Variants in RPTOR observed in about 807,000 individuals in gnomAD.
RPTOR encodes the protein regulatory-associated protein of mTOR.
RPTOR carries 21 observed loss-of-function variants against 169.9 expected under a neutral mutation model. The ratio of observed to expected loss-of-function variants is 0.12; its 90% CI spans 0.09 to 0.18. The LOEUF (loss-of-function observed/expected upper bound fraction) is 0.18, where lower values mean the gene tolerates loss of function less well. Ranked by LOEUF, RPTOR falls within the 10% of genes least tolerant of loss-of-function variation. The pLI is 1.00. For synonymous variants in RPTOR, 732 were observed against 753.2 expected, an observed-to-expected ratio of 0.97 and a Z score of 0.46; for missense variants, 1,133 against 1,855.9, an observed-to-expected ratio of 0.61 and a Z score of 7.16.
chr17:80,663,438 T>C (rs1005883046), intron 3 of RPTOR, among the ~76,000 whole-genome samples: 13 of 151,282 alleles, frequency 8.6e-5, no homozygotes, highest in African/African-American at 3.2e-4. Context: ...CAGAGGAATC[T>C]TTATTTACAG....
At chr17:80,964,176 A>G in intron 33 of RPTOR, 86 bp from the exon 34 acceptor site, 1 of 1,121,226 alleles carries the variant, frequency 8.9e-7, no homozygotes, top group South Asian at 1.2e-5. Context: ...GAGCTGCCTA[A>G]GGATGCGGGT....
At chr17:80,593,168 G>T (rs1175555507) in intron 1 of RPTOR, 1 of 152,824 alleles carries the variant, frequency 6.5e-6, no homozygotes, top group Non-Finnish European at 1.5e-5. Context: ...AAGTGAGCTT[G>T]TCACTTCAAG....
intron 6 of RPTOR, among the ~76,000 whole-genome samples, chr17:80,779,534 T>G (rs576948124): frequency 6.6e-6 from 1 of 152,296 alleles, no homozygotes; most frequent in South Asian, 2.1e-4. Flanking sequence ...GGTCGGAGTT[T>G]TCCTGTGTGA....
intron 3 of RPTOR, among the ~76,000 whole-genome samples, chr17:80,672,150 C>T (rs558707400): frequency 6.6e-6 from 1 of 152,284 alleles, no homozygotes; most frequent in African/African-American, 2.4e-5. Context: ...GATACCTCCT[C>T]TGTGAAGGTC....
chr17:80,925,523 A>C (rs766332632), intron 24 of RPTOR, 43 bp downstream of exon 24: 24 of 1,456,434 alleles, frequency 1.6e-5, no homozygotes, highest in Non-Finnish European at 2.2e-5. Flanking sequence ...CCTAGCGAAC[A>C]TGTGTCTGTC....
At chr17:80,816,656 G>C (rs563567169) in intron 7 of RPTOR, among the ~76,000 whole-genome samples, 1 of 152,322 alleles carries the variant, frequency 6.6e-6, no homozygotes, top group South Asian at 2.1e-4. Flanking sequence ...TGCAGATTCA[G>C]CAAATGAAGA....
chr17:80,575,490 G>A (rs1020163917), intron 1 of RPTOR, among the ~76,000 whole-genome samples: 2 of 152,216 alleles, frequency 1.3e-5, no homozygotes, highest in African/African-American at 4.8e-5. Flanking sequence ...CGTCTGTAGG[G>A]GGAGCCATCC....
chr17:80,625,167 G>C (rs546045039), intron 1 of RPTOR, among the ~76,000 whole-genome samples: 1 of 152,294 alleles, frequency 6.6e-6, no homozygotes, highest in Admixed American at 6.5e-5. Context: ...ATGGTCCACG[G>C]AGAGTGAACA....
chr17:80,959,939 TAGAG>T lies in RPTOR; in HGVS notation c.3478-135_3478-132del, dbSNP rs1555641624. On this transcript the variant is annotated intron_variant, in intron 29 of 33. Transcript: ENST00000306801. The surrounding 1 kb of genome is among the most constrained non-coding windows in gnomAD (Gnocchi z 6.7). ...CCCAGGCCTTTGATGCTTCCCTGGATAGAGAGAAAGGCCCCTGCAGCCAGGGAGG... is the reference window on the plus strand; with the variant it reads ...CCCAGGCCTTTGATGCTTCCCTGGATAGAAAGGCCCCTGCAGCCAGGGAGG... 4 of 995,620 alleles carry T rather than the reference TAGAG, an allele frequency of 4.0e-6. No homozygotes were observed. The highest frequency in any genetic ancestry group is 4.4e-5 in the Admixed American group (2 of 45,656). The allele number at this position is 995,620 out of a possible 1,614,324, so 61.7% of individuals were successfully genotyped here. A position where few individuals can be genotyped will look rare whatever the true frequency, so the allele number is the denominator to read the frequency against.
chr17:80,776,809 G>A (rs1413184204), intron 6 of RPTOR, among the ~76,000 whole-genome samples: 1 of 152,192 alleles, frequency 6.6e-6, no homozygotes, highest in Non-Finnish European at 1.5e-5. Context: ...AGTATTACAA[G>A]GCCAGAGACA....
chr17:80,671,233 C>T (rs2065819410), intron 3 of RPTOR, among the ~76,000 whole-genome samples: 1 of 152,196 alleles, frequency 6.6e-6, no homozygotes, highest in Non-Finnish European at 1.5e-5. Flanking sequence ...CCTTGTGCTG[C>T]CCGGCAGCCG....
At chr17:80,832,209 G>A (rs2143653284) in intron 9 of RPTOR, among the ~76,000 whole-genome samples, 1 of 152,304 alleles carries the variant, frequency 6.6e-6, no homozygotes, top group East Asian at 1.9e-4. Context: ...CGTGATCCAG[G>A]GGCTTTACAA....
At chr17:80,850,835 C>G (rs1007537577) in intron 11 of RPTOR, among the ~76,000 whole-genome samples, 12 of 152,248 alleles carry the variant, frequency 7.9e-5, no homozygotes, top group African/African-American at 2.2e-4. Context: ...CCTGCAGCAC[C>G]TGGCACTCCA....
rs1285531700 is a variant in RPTOR at position 80,949,507 on chromosome 17, C to T, written c.3330C>T (p.Thr1110=). 4.3e-6 allele frequency: 7 copies of T among 1,614,114 alleles called. No homozygotes were observed. The Middle Eastern group carries it at 4.9e-4, about 114-fold the overall frequency. The change falls in exon 28 of 34, where the codon ACC becomes ACT. Residue 1110 remains threonine (T), a synonymous_variant. Transcript: ENST00000306801. ...ADLEKNPEMV[T]AWQGLSDMLP... Reference sequence around the variant, plus strand: ...TGGAAAAGAACCCAGAGATGGTGACCGCGTGGCAGGGGCTCTCGGACATGC... The same window carrying T: ...TGGAAAAGAACCCAGAGATGGTGACTGCGTGGCAGGGGCTCTCGGACATGC...
chr17:80,825,992 C>T lies in RPTOR; in HGVS notation c.1136+2769C>T, dbSNP rs575564922. Among the ~76,000 whole-genome samples, 48 of 152,142 alleles carry T rather than the reference C, an allele frequency of 3.2e-4. No individual in the cohort carries two copies. The East Asian group carries it at 6.4e-3, about 20-fold the overall frequency. ...CCTGGGTCAGCGGTGGAGGGGTGGG[C>T]GGAGAGAAGTCAGGCTCACCTCCGC... On this transcript the variant is annotated intron_variant, in intron 9 of 33. Transcript: ENST00000306801.
chr17:80,737,723 A>G (rs2066445300), intron 5 of RPTOR, among the ~76,000 whole-genome samples: 1 of 152,180 alleles, frequency 6.6e-6, no homozygotes, highest in South Asian at 2.1e-4. Flanking sequence ...TTTTCAAAAC[A>G]TTAGAATATC....
At chr17:80,753,984 C>A (rs372777638) in intron 5 of RPTOR, 26 bp from the exon 6 acceptor site, 203 of 1,601,040 alleles carry the variant, frequency 1.3e-4, no homozygotes, top group Non-Finnish European at 1.6e-4. Flanking sequence ...ATCACACTCT[C>A]TTTTCCCGAA....
At chr17:80,877,123 C>T (rs1450138005) in intron 13 of RPTOR, among the ~76,000 whole-genome samples, 1 of 152,146 alleles carries the variant, frequency 6.6e-6, no homozygotes, top group African/African-American at 2.4e-5. Context: ...TGCTGGCTGC[C>T]GTTCTGCGCG....
intron 1 of RPTOR, among the ~76,000 whole-genome samples, chr17:80,546,983 C>T (rs9908940): frequency 0.44 from 67,086 of 151,890 alleles, 15,117 homozygotes; most frequent in Middle Eastern, 0.51. Context: ...GCTGGAGAAT[C>T]GCTTGAACCT....
Sources: gnomAD v4.1 joint callset for allele counts (sites outside exome capture counted in the v4.1 genomes callset) on GRCh38, gnomAD v4.1.1 for gene constraint, Gnocchi (gnomAD v3.1) non-coding constraint, MANE v1.5 for transcripts, NCBI Gene and HGNC (gene_info 2026-07-23, HGNC 2026-07-21) for gene names.